The following PEPD variants were observed in gnomAD, a reference collection of about 807,000 sequenced individuals.
PEPD encodes peptidase D, also known as xaa-Pro dipeptidase.
Under a neutral mutation model 60.7 loss-of-function variants are expected in PEPD, and 53 were observed. The ratio of observed to expected loss-of-function variants is 0.87; its 90% CI spans 0.70 to 1.10. The LOEUF is 1.10. Among genes scored for constraint, PEPD ranks in the 50% least tolerant of loss-of-function variants. The pLI is 0.00. For missense variants in PEPD, 711 were observed against 711.9 expected, an observed-to-expected ratio of 1.00 and a Z score of 0.01; for synonymous variants, 267 against 284.1, an observed-to-expected ratio of 0.94 and a Z score of 0.60.
At position 33,387,973 on chromosome 19, in the gene PEPD, G is replaced by T; in HGVS notation, c.1261C>A (p.Leu421Ile). 6.3e-7 allele frequency: 1 copy of T among 1,595,090 alleles called. No homozygotes were observed. Among genetic ancestry groups the T allele is most frequent in the East Asian group, 2.3e-5 (1 of 44,172 alleles). ...VEPGIYFIDHLLDEALADPAR... is the reference protein window; with the variant it reads ...VEPGIYFIDHILDEALADPAR... Reference sequence around the variant, plus strand: ...GGGTCCGCCAGGGCCTCATCCAGGAGGTGGTCGATGAAGTAGATGCCCGGC... The same window carrying T: ...GGGTCCGCCAGGGCCTCATCCAGGATGTGGTCGATGAAGTAGATGCCCGGC... Residue 421 changes from leucine to isoleucine, a missense_variant, in exon 14 of 15, where the codon CTC becomes ATC. Physicochemically the swap from Leu to Ile is conservative, Grantham distance 5 (BLOSUM62 2). Transcript: ENST00000244137.
intron 9 of PEPD, among the ~76,000 whole-genome samples, chr19:33,443,246 T>A (rs905113147): frequency 6.6e-6 from 1 of 152,234 alleles, no homozygotes; most frequent in Admixed American, 6.5e-5. Flanking sequence ...TATGTCCCTG[T>A]GCTTCATTTT....
chr19:33,425,456 G>T (rs1234232312), intron 9 of PEPD, among the ~76,000 whole-genome samples: 1 of 152,172 alleles, frequency 6.6e-6, no homozygotes, highest in Non-Finnish European at 1.5e-5. Context: ...GGTATGCAGG[G>T]AGCTTTCTGG....
intron 1 of PEPD, among the ~76,000 whole-genome samples, chr19:33,518,144 C>T (rs1971058551): frequency 6.6e-6 from 1 of 152,122 alleles, no homozygotes. Flanking sequence ...GAGAGGGTTG[C>T]CACGGCGGAA....
chr19:33,464,170 G>T (rs1314794036), intron 7 of PEPD, 108 bp from the exon 8 acceptor site: 3 of 796,772 alleles, frequency 3.8e-6, no homozygotes, highest in Non-Finnish European at 4.3e-6. Context: ...AGCCCAGAAG[G>T]CGTGTTGTGC....
At chr19:33,495,970 C>T (rs559898807) in intron 4 of PEPD, among the ~76,000 whole-genome samples, 1 of 151,492 alleles carries the variant, frequency 6.6e-6, no homozygotes, top group Non-Finnish European at 1.5e-5. Context: ...GGCAAGAATG[C>T]AACTCAGTAT....
chr19:33,490,278 C>G (rs1970474234), intron 5 of PEPD, among the ~76,000 whole-genome samples: 1 of 152,220 alleles, frequency 6.6e-6, no homozygotes, highest in South Asian at 2.1e-4. Flanking sequence ...GGGGGCCCCC[C>G]AAACTCTGCA....
At chr19:33,512,867 A>G in intron 1 of PEPD, 91 bp from the exon 2 acceptor site, 2 of 1,448,370 alleles carry the variant, frequency 1.4e-6, no homozygotes, top group Non-Finnish European at 1.9e-6. Flanking sequence ...CGGAGGCCCG[A>G]GCCTGCCGTG....
intron 9 of PEPD, among the ~76,000 whole-genome samples, chr19:33,454,655 G>A (rs1345101940): frequency 1.3e-5 from 2 of 151,922 alleles, no homozygotes; most frequent in East Asian, 1.9e-4. Flanking sequence ...AAAAAAAAAG[G>A]TTGAACAAAT....
At chr19:33,442,197 G>A (rs1472245781) in intron 9 of PEPD, among the ~76,000 whole-genome samples, 1 of 152,182 alleles carries the variant, frequency 6.6e-6, no homozygotes, top group South Asian at 2.1e-4. Flanking sequence ...TCAGGAGTTC[G>A]AGACCAGCCT....
At chr19:33,500,583 C>A (rs1380871177) in intron 4 of PEPD, among the ~76,000 whole-genome samples, 2 of 152,206 alleles carry the variant, frequency 1.3e-5, no homozygotes, top group Non-Finnish European at 2.9e-5. Flanking sequence ...GCTCGAGACA[C>A]ACGAAGACCC....
At chr19:33,521,595 G>T in intron 1 of PEPD, 149 bp downstream of exon 1, 3 of 865,526 alleles carry the variant, frequency 3.5e-6, no homozygotes, top group South Asian at 2.9e-5. Context: ...GCAGCTCGCC[G>T]ACCGGCGCTG....
intron 9 of PEPD, among the ~76,000 whole-genome samples, chr19:33,419,777 A>G (rs1024196103): frequency 6.6e-6 from 1 of 152,122 alleles, no homozygotes; most frequent in African/African-American, 2.4e-5. Context: ...TGAGCAGAAA[A>G]GGGTCTGCAA....
intron 9 of PEPD, among the ~76,000 whole-genome samples, chr19:33,418,933 G>A (rs1171933946): frequency 6.6e-6 from 1 of 152,198 alleles, no homozygotes; most frequent in Non-Finnish European, 1.5e-5. Context: ...GCGGAGAGCT[G>A]GTCAGCATCA....
chr19:33,465,535 C>T (rs953093645), intron 7 of PEPD, among the ~76,000 whole-genome samples: 4 of 152,090 alleles, frequency 2.6e-5, no homozygotes, highest in African/African-American at 9.7e-5. Flanking sequence ...GGGGGCCACT[C>T]CAGCACCAAA....
At chr19:33,428,594 C>T (rs1226745968) in intron 9 of PEPD, among the ~76,000 whole-genome samples, 1 of 152,204 alleles carries the variant, frequency 6.6e-6, no homozygotes, top group Non-Finnish European at 1.5e-5. Context: ...AGGCTGACGC[C>T]CCTCTCCAGA....
At chr19:33,395,075 C>G (rs1968329974) in intron 12 of PEPD, 1 of 152,210 alleles carries the variant, frequency 6.6e-6, no homozygotes, top group Admixed American at 6.5e-5. Context: ...GTGGCTGGAC[C>G]AAGGCCACGG....
chr19:33,513,509 C>G (rs1970966633), intron 1 of PEPD, among the ~76,000 whole-genome samples: 1 of 152,220 alleles, frequency 6.6e-6, no homozygotes, highest in East Asian at 1.9e-4. Context: ...GGTCTACCCT[C>G]ATTGCACATC....
At chr19:33,515,838 G>A (rs1211458532) in intron 1 of PEPD, among the ~76,000 whole-genome samples, 1 of 152,062 alleles carries the variant, frequency 6.6e-6, no homozygotes, top group Non-Finnish European at 1.5e-5. Context: ...CCCATGGCCT[G>A]ACACCATGCC....
chr19:33,493,377 C>T (rs761381549), intron 4 of PEPD, 40 bp from the exon 5 acceptor site: 7 of 1,427,288 alleles, frequency 4.9e-6, no homozygotes, highest in Admixed American at 1.7e-5. Flanking sequence ...AGAGGCACCA[C>T]TAAGCCTAAT....
Sources: gnomAD v4.1 joint callset for allele counts (sites outside exome capture counted in the v4.1 genomes callset) on GRCh38, gnomAD v4.1.1 for gene constraint, MANE v1.5 for transcripts, NCBI Gene and HGNC (gene_info 2026-07-23, HGNC 2026-07-21) for gene names.